POLR3H: variants seen among roughly 807,000 people sequenced by gnomAD.
POLR3H encodes the protein RNA polymerase III subunit H, also known as DNA-directed RNA polymerase III subunit RPC8.
A neutral mutation model predicts 25.5 loss-of-function variants in POLR3H; 17 were observed. That is an observed-to-expected ratio of 0.67 (90% CI 0.46 to 1.00). The LOEUF is 1.00. Ranked by LOEUF, POLR3H falls within the 50% of genes least tolerant of loss-of-function variation. POLR3H has a pLI of 0.00. For synonymous variants in POLR3H, 129 were observed against 103.0 expected, an observed-to-expected ratio of 1.25 and a Z score of -1.53; for missense variants, 274 against 265.0, an observed-to-expected ratio of 1.03 and a Z score of -0.24.
Position 41,528,521 on chromosome 22 carries a change from A to C in POLR3H, c.*762T>G. Reference sequence around the variant, plus strand: ...CAAGCACCCCAACGGGACCCAGGAGACCATCCTCCTGAACCACACCTTCAA... The same window carrying C: ...CAAGCACCCCAACGGGACCCAGGAGCCCATCCTCCTGAACCACACCTTCAA... On this transcript the variant is annotated 3_prime_UTR_variant, in exon 6 of 6. Coordinates refer to ENST00000355209, the MANE Select transcript of POLR3H (RefSeq NM_001018050.4). 1 of 1,612,734 alleles carries C rather than the reference A, an allele frequency of 6.2e-7. No homozygotes were observed. Among genetic ancestry groups the C allele is most frequent in the Non-Finnish European group, 8.5e-7 (1 of 1,179,978 alleles).
intron 5 of POLR3H, among the ~76,000 whole-genome samples, chr22:41,529,904 C>T (rs893725795): frequency 2.0e-4 from 30 of 151,616 alleles, no homozygotes; most frequent in East Asian, 3.9e-4. Context: ...TACAGGCGCC[C>T]GCCACCACAC....
At chr22:41,543,244 A>C (rs565568375) in intron 1 of POLR3H, among the ~76,000 whole-genome samples, 1 of 152,214 alleles carries the variant, frequency 6.6e-6, no homozygotes, top group Non-Finnish European at 1.5e-5. Context: ...GGCACAGCAC[A>C]GAGAAGGCGC....
rs746361616 is a variant in POLR3H at position 41,529,313 on chromosome 22, C to A, written c.585G>T (p.Leu195=). Residue 195 remains leucine (L), a synonymous_variant, in exon 6 of 6, where the codon CTG becomes CTT. Coordinates refer to ENST00000355209, the MANE Select transcript of POLR3H (RefSeq NM_001018050.4). ...TLVGSISEPG[L]GLLSWWTSN is the part of the protein sequence containing the mutation. ...TGCTGGTCCACCAGGAGAGAAGGCC[C>A]AGGCCTGGCTCACTGATGGATCCCT... 1.2e-6 allele frequency: 2 copies of A among 1,613,828 alleles called. No individual in the cohort carries two copies. The highest frequency in any genetic ancestry group is 1.7e-6 in the Non-Finnish European group (2 of 1,179,932).
In POLR3H at chr22:41,544,411, C is replaced by A. The variant is rs1046098420; in HGVS notation, c.-310G>T. 13 of 262,522 alleles carry A rather than the reference C, an allele frequency of 5.0e-5. 1 individual carries two copies. The highest frequency in any genetic ancestry group is 8.5e-5 in the Non-Finnish European group (12 of 140,784). 16.3% of individuals were successfully genotyped at this position (262,522 alleles called of 1,614,324 possible). ...CGCCCCGCACCCGCGCCACGTGCCG[C>A]CGCTCGTATCACGCACCACGCACCA... On this transcript the variant is annotated 5_prime_UTR_variant, in exon 1 of 6. Transcript: ENST00000355209.
chr22:41,527,187 G>T lies in POLR3H; in HGVS notation c.*2096C>A. On this transcript the variant is annotated 3_prime_UTR_variant, in exon 6 of 6. Transcript: ENST00000355209. ...CCAGCCCCTTTACCGGGAGCCTCAG[G>T]ATGCCCAGGCGCCAGGTGGGTGAGG... The T allele has an allele frequency of 6.4e-7, 1 of 1,574,520 alleles. No individual in the cohort carries two copies. Among genetic ancestry groups the T allele is most frequent in the Non-Finnish European group, 8.7e-7 (1 of 1,151,392 alleles).
chr22:41,527,647 T>C lies in POLR3H; in HGVS notation c.*1636A>G, dbSNP rs203316. 66,551 of 796,194 alleles carry C rather than the reference T, an allele frequency of 0.084. 14,047 individuals carry two copies. Among genetic ancestry groups the C allele is most frequent in the African/African-American group, 0.58 (33,302 of 57,322 alleles). The allele number at this position is 796,194 out of a possible 1,614,324, so 49.3% of individuals were successfully genotyped here. A position where few individuals can be genotyped will look rare whatever the true frequency, so the allele number is the denominator to read the frequency against. ...GGCTTGTAGATCTGAGCCGCTGAGA[T>C]CTAGGACATGTGCCAGGGGGTTCTT... On this transcript the variant is annotated 3_prime_UTR_variant, in exon 6 of 6. Transcript: ENST00000355209.
intron 2 of POLR3H, among the ~76,000 whole-genome samples, chr22:41,533,072 A>G (rs1291840947): frequency 6.6e-6 from 1 of 152,238 alleles, no homozygotes; most frequent in African/African-American, 2.4e-5. Context: ...AGCAACTGGT[A>G]AAGAACGCAG....
Position 41,544,429 on chromosome 22 carries a change from A to C in POLR3H, c.-328T>G. The C allele has an allele frequency of 2.4e-5, 2 of 85,028 alleles. No homozygotes were observed. The allele number at this position is 85,028 out of a possible 1,614,324, so 5.3% of individuals were successfully genotyped here. A position where few individuals can be genotyped will look rare whatever the true frequency, so the allele number is the denominator to read the frequency against. On this transcript the variant is annotated 5_prime_UTR_variant, in exon 1 of 6. Transcript: ENST00000355209. ...CGTGCCGCCGCTCGTATCACGCACC[A>C]CGCACCACGCACCGCGCACAGCCGC...
Position 41,529,302 on chromosome 22 carries a change from G to C in POLR3H, c.596C>G (p.Ser199Cys), listed in dbSNP as rs1262178257. ...CCAGGGCTAGTTGCTGGTCCACCAGGAGAGAAGGCCCAGGCCTGGCTCACT... is the reference window on the plus strand; with the variant it reads ...CCAGGGCTAGTTGCTGGTCCACCAGCAGAGAAGGCCCAGGCCTGGCTCACT... ...SISEPGLGLL[S>C]WWTSN Residue 199 changes from serine to cysteine, a missense_variant, in exon 6 of 6, where the codon TCC becomes TGC. Coordinates refer to ENST00000355209, the MANE Select transcript of POLR3H (RefSeq NM_001018050.4). 1.9e-6 allele frequency: 3 copies of C among 1,613,592 alleles called. No homozygotes were observed. The highest frequency in any genetic ancestry group is 2.5e-6 in the Non-Finnish European group (3 of 1,179,900).
intron 2 of POLR3H, among the ~76,000 whole-genome samples, chr22:41,537,730 C>G (rs777065362): frequency 3.8e-4 from 58 of 152,162 alleles, no homozygotes; most frequent in Non-Finnish European, 6.9e-4. Context: ...CCCAAGAAAA[C>G]AGAGACTCAG....
chr22:41,533,583 T>C, intron 2 of POLR3H: 1 of 1,296,916 alleles, frequency 7.7e-7, no homozygotes, highest in African/African-American at 1.5e-5. Context: ...AAACACAGGC[T>C]TCCACGATGC....
chr22:41,532,533 T>A, intron 3 of POLR3H, 126 bp downstream of exon 3: 1 of 1,545,958 alleles, frequency 6.5e-7, no homozygotes, highest in South Asian at 1.2e-5. Flanking sequence ...TGGGCAAGCT[T>A]CTCTGACACC....
intron 1 of POLR3H, among the ~76,000 whole-genome samples, chr22:41,541,758 C>T (rs1452402503): frequency 6.6e-6 from 1 of 152,202 alleles, no homozygotes; most frequent in African/African-American, 2.4e-5. Flanking sequence ...ACCTCCATCC[C>T]CCAACAGACC....
rs1210344464 is a variant in POLR3H at position 41,542,294 on chromosome 22, G to A, written c.112-1499C>T. Among the ~76,000 whole-genome samples the A allele has an allele frequency of 4.6e-5, 7 of 152,182 alleles. No homozygotes were observed. The East Asian group carries it at 1.2e-3, about 25-fold the overall frequency. On this transcript the variant is annotated intron_variant, in intron 1 of 5. Coordinates refer to ENST00000355209, the MANE Select transcript of POLR3H (RefSeq NM_001018050.4). ...ACATGGGGCTTCACCATGTTGGACA[G>A]GCTGGTCTCAAACTCCTGACCTTGG...
At chr22:41,535,919 G>A (rs565039391) in intron 2 of POLR3H, among the ~76,000 whole-genome samples, 18 of 152,142 alleles carry the variant, frequency 1.2e-4, no homozygotes, top group African/African-American at 2.2e-4. Flanking sequence ...GCAGTGAGCC[G>A]AGACTGCACC....
rs1288209841 is a variant in POLR3H at position 41,537,730 on chromosome 22, CAG to C, written c.208+2967_208+2968del. Among the ~76,000 whole-genome samples, 3 of 152,162 alleles carry C rather than the reference CAG, an allele frequency of 2.0e-5. 1 individual carries two copies. Among genetic ancestry groups the C allele is most frequent in the South Asian group, 4.1e-4 (2 of 4,828 alleles). On this transcript the variant is annotated intron_variant, in intron 2 of 5. Coordinates refer to ENST00000355209, the MANE Select transcript of POLR3H (RefSeq NM_001018050.4). ...GCCTCCCACCTGGTTCCCAAGAAAA[CAG>C]AGACTCAGGACAGATGAGGGTGGGG...
At position 41,526,772 on chromosome 22, in the gene POLR3H, A is replaced by G. The variant is rs2066607281; in HGVS notation, c.*2511T>C. On this transcript the variant is annotated 3_prime_UTR_variant, in exon 6 of 6. Coordinates refer to ENST00000355209, the MANE Select transcript of POLR3H (RefSeq NM_001018050.4). ...GCCAAAAGCTCAGAGAGGGGGCTAC[A>G]CGGGGCCTCACAGTGAGCAGGCAGA... The G allele has an allele frequency of 1.1e-5, 4 of 349,598 alleles. No homozygotes were observed. The East Asian group carries it at 1.6e-4, about 14-fold the overall frequency. 21.7% of individuals were successfully genotyped at this position (349,598 alleles called of 1,614,324 possible). A position where few individuals can be genotyped will look rare whatever the true frequency, so the allele number is the denominator to read the frequency against.
chr22:41,528,228 A>G lies in POLR3H; in HGVS notation c.*1055T>C, dbSNP rs203315. On this transcript the variant is annotated 3_prime_UTR_variant, in exon 6 of 6. Coordinates refer to ENST00000355209, the MANE Select transcript of POLR3H (RefSeq NM_001018050.4). ...AACCCGGGGCCCTCACACCTCCCCA[A>G]CCTCCCTTTACTCACCAGGACCTGG... 5.2e-3 allele frequency: 4,316 copies of G among 837,442 alleles called. 110 individuals are homozygous for G. The African/African-American group carries it at 0.058, about 11-fold the overall frequency. The allele number at this position is 837,442 out of a possible 1,614,324, so 51.9% of individuals were successfully genotyped here.
intron 1 of POLR3H, among the ~76,000 whole-genome samples, chr22:41,541,598 G>A (rs1212284467): frequency 1.3e-5 from 2 of 152,202 alleles, no homozygotes; most frequent in Admixed American, 1.3e-4. Flanking sequence ...CAAGATCTGT[G>A]CCCTTTGTCA....
Sources: gnomAD v4.1 joint callset for allele counts (sites outside exome capture counted in the v4.1 genomes callset) on GRCh38, gnomAD v4.1.1 for gene constraint, MANE v1.5 for transcripts, NCBI Gene and HGNC (gene_info 2026-07-23, HGNC 2026-07-21) for gene names.